MCOLN2: variants seen among roughly 807,000 people sequenced by gnomAD.
The protein encoded by MCOLN2 is mucolipin TRP cation channel 2.
In MCOLN2, 57 loss-of-function variants were observed where a neutral mutation model predicts 67.5. The observed-to-expected ratio is 0.84, with a 90% CI of 0.68 to 1.05. MCOLN2 has a LOEUF of 1.05. Ranked by LOEUF, MCOLN2 falls within the 50% of genes least tolerant of loss-of-function variation. MCOLN2 has a pLI of 0.00. For missense variants in MCOLN2, 620 were observed against 678.8 expected, an observed-to-expected ratio of 0.91 and a Z score of 0.96; for synonymous variants, 246 against 233.3, an observed-to-expected ratio of 1.05 and a Z score of -0.50.
chr1:84,969,663 G>T (rs1649564865), intron 1 of MCOLN2, among the ~76,000 whole-genome samples: 1 of 152,020 alleles, frequency 6.6e-6, no homozygotes, highest in Non-Finnish European at 1.5e-5. Flanking sequence ...TTTGTCCTGA[G>T]CCTGACACAC....
At chr1:84,993,378 C>T (rs1650987148) in intron 1 of MCOLN2, among the ~76,000 whole-genome samples, 1 of 152,190 alleles carries the variant, frequency 6.6e-6, no homozygotes, top group African/African-American at 2.4e-5. Flanking sequence ...TTTTCACTGA[C>T]CTAATACTTC....
chr1:84,940,736 T>C, intron 8 of MCOLN2, 143 bp downstream of exon 8: 1 of 593,558 alleles, frequency 1.7e-6, no homozygotes. Context: ...GATGAATGCC[T>C]CATAGCGGGC....
intron 11 of MCOLN2, among the ~76,000 whole-genome samples, chr1:84,934,312 G>T (rs571229627): frequency 2.3e-5 from 3 of 129,528 alleles, no homozygotes; most frequent in Non-Finnish European, 5.1e-5. Flanking sequence ...TATTAAATGG[G>T]TATTTCCATA....
intron 13 of MCOLN2, among the ~76,000 whole-genome samples, chr1:84,928,065 C>CCTGGGAT (rs1661242044): frequency 6.6e-6 from 1 of 152,178 alleles, no homozygotes; most frequent in South Asian, 2.1e-4. Flanking sequence ...ATGCAAGCCC[C>CCTGGGAT]CTGGGATCTA....
intron 7 of MCOLN2, among the ~76,000 whole-genome samples, chr1:84,946,295 A>G (rs1557639264): frequency 6.6e-6 from 1 of 152,108 alleles, no homozygotes; most frequent in Non-Finnish European, 1.5e-5. Context: ...TTCTCTCCAT[A>G]ACACATCACA....
At chr1:84,980,757 T>TA (rs1650215399) in intron 1 of MCOLN2, among the ~76,000 whole-genome samples, 1 of 151,754 alleles carries the variant, frequency 6.6e-6, no homozygotes, top group Non-Finnish European at 1.5e-5. Context: ...GGACAAAAAT[T>TA]TACTGAGCAA....
intron 1 of MCOLN2, among the ~76,000 whole-genome samples, chr1:84,982,156 A>G (rs115581098): frequency 0.012 from 1,883 of 152,206 alleles, 24 homozygotes; most frequent in Non-Finnish European, 0.02. Context: ...TTTATCAAGA[A>G]AACAATTTAA....
In MCOLN2 at chr1:84,926,172, C is replaced by T. The variant is rs1478054514; in HGVS notation, c.*513G>A. ...AAGTGCTGGGATTACAGGTGTGAAC[C>T]ACTGTGCCAGGCCAAGGGTGATCTT... is the stretch of plus-strand genomic sequence containing the variant. On this transcript the variant is annotated 3_prime_UTR_variant, in exon 14 of 14. Coordinates refer to ENST00000370608, the MANE Select transcript of MCOLN2 (RefSeq NM_153259.4). 1 of 152,624 alleles carries T rather than the reference C, an allele frequency of 6.6e-6. No individual in the cohort carries two copies. Among genetic ancestry groups the T allele is most frequent in the Non-Finnish European group, 1.5e-5 (1 of 68,414 alleles). 9.5% of individuals were successfully genotyped at this position (152,624 alleles called of 1,614,324 possible).
chr1:84,963,403 T>G (rs1340580877), intron 2 of MCOLN2, among the ~76,000 whole-genome samples: 1 of 152,120 alleles, frequency 6.6e-6, no homozygotes, highest in Non-Finnish European at 1.5e-5. Flanking sequence ...AGAGAGAAGA[T>G]AGTGAGTATG....
chr1:84,972,906 G>T (rs2102868961), intron 1 of MCOLN2, among the ~76,000 whole-genome samples: 1 of 152,256 alleles, frequency 6.6e-6, no homozygotes, highest in Non-Finnish European at 1.5e-5. Context: ...TATTTTGTCA[G>T]CAAATAAGCT....
chr1:84,945,030 C>A (rs955881491), intron 7 of MCOLN2, among the ~76,000 whole-genome samples: 2 of 152,038 alleles, frequency 1.3e-5, no homozygotes, highest in Non-Finnish European at 2.9e-5. Flanking sequence ...GTGATAGAAC[C>A]TGGTTTCTTA....
chr1:84,997,087 T>C lies in MCOLN2; in HGVS notation c.-215A>G. On this transcript the variant is annotated 5_prime_UTR_variant, in exon 1 of 14. Transcript: ENST00000370608. ...AGTCGTGGAGTGCGGCGGGCAGTTC[T>C]CGGGCGGCTGAAAGGCGGCTCTGTG... is the stretch of plus-strand genomic sequence containing the variant. The C allele has an allele frequency of 1.7e-6, 1 of 578,450 alleles. No individual in the cohort carries two copies. The highest frequency in any genetic ancestry group is 3.1e-6 in the Non-Finnish European group (1 of 327,622). 35.8% of individuals were successfully genotyped at this position (578,450 alleles called of 1,614,324 possible). A position where few individuals can be genotyped will look rare whatever the true frequency, so the allele number is the denominator to read the frequency against.
intron 4 of MCOLN2, among the ~76,000 whole-genome samples, chr1:84,953,363 A>G (rs1183560661): frequency 6.6e-6 from 1 of 152,168 alleles, no homozygotes; most frequent in Non-Finnish European, 1.5e-5. Context: ...CAGTCTGACC[A>G]ACATGGTGAA....
At chr1:84,988,035 A>ATGCC (rs1650706835) in intron 1 of MCOLN2, among the ~76,000 whole-genome samples, 1 of 152,088 alleles carries the variant, frequency 6.6e-6, no homozygotes, top group Admixed American at 6.5e-5. Flanking sequence ...ATGTAACCAA[A>ATGCC]TGCCACCTGT....
chr1:84,953,996 C>T (rs1319774018), intron 4 of MCOLN2, among the ~76,000 whole-genome samples: 3 of 152,210 alleles, frequency 2.0e-5, no homozygotes, highest in Non-Finnish European at 2.9e-5. Flanking sequence ...TTGGAAAACT[C>T]ACTGGCTGAT....
chr1:84,937,631 G>T (rs559245591), intron 11 of MCOLN2, 124 bp downstream of exon 11: 1 of 1,479,122 alleles, frequency 6.8e-7, no homozygotes, highest in South Asian at 1.4e-5. Flanking sequence ...CTGATACAAA[G>T]ATATGTGATT....
At chr1:84,960,329 A>G (rs529205071) in intron 2 of MCOLN2, among the ~76,000 whole-genome samples, 1 of 152,368 alleles carries the variant, frequency 6.6e-6, no homozygotes, top group South Asian at 2.1e-4. Context: ...CCAAGTCACC[A>G]GAATGGAAGC....
At chr1:84,928,689 T>A (rs1661270222) in intron 13 of MCOLN2, among the ~76,000 whole-genome samples, 1 of 152,162 alleles carries the variant, frequency 6.6e-6, no homozygotes, top group Non-Finnish European at 1.5e-5. Context: ...GAAAAAAAGG[T>A]GTGATTCTGA....
intron 1 of MCOLN2, among the ~76,000 whole-genome samples, chr1:84,975,291 A>AC (rs1649942118): frequency 6.6e-6 from 1 of 152,224 alleles, no homozygotes; most frequent in African/African-American, 2.4e-5. Context: ...GGTAGTAGCC[A>AC]CAGGGGTGCT....
Sources: gnomAD v4.1 joint callset for allele counts (sites outside exome capture counted in the v4.1 genomes callset) on GRCh38, gnomAD v4.1.1 for gene constraint, MANE v1.5 for transcripts, NCBI Gene and HGNC (gene_info 2026-07-23, HGNC 2026-07-21) for gene names.